The following RCAN2 variants were observed in gnomAD, a reference collection of about 807,000 sequenced individuals.
The protein encoded by RCAN2 is calcipressin-2.
A neutral mutation model predicts 23.6 loss-of-function variants in RCAN2; 9 were observed. The observed-to-expected ratio is 0.38, with a 90% CI of 0.23 to 0.67. The LOEUF is 0.67. Among genes scored for constraint, RCAN2 ranks in the 30% least tolerant of loss-of-function variants. The pLI, the probability that RCAN2 is intolerant of heterozygous loss-of-function variation, is 0.51. For synonymous variants in RCAN2, 109 were observed against 115.7 expected, an observed-to-expected ratio of 0.94 and a Z score of 0.37; for missense variants, 273 against 302.3, an observed-to-expected ratio of 0.90 and a Z score of 0.72.
At chr6:46,310,741 A>C (rs1043020691) in intron 2 of RCAN2, among the ~76,000 whole-genome samples, 1 of 152,196 alleles carries the variant, frequency 6.6e-6, no homozygotes, top group African/African-American at 2.4e-5. Flanking sequence ...GAATTTGTCT[A>C]AGAGTTATTT....
intron 2 of RCAN2, among the ~76,000 whole-genome samples, chr6:46,400,617 T>C (rs998819620): frequency 1.3e-5 from 2 of 152,212 alleles, no homozygotes; most frequent in African/African-American, 2.4e-5. Flanking sequence ...GATTTAACTT[T>C]AGCAAAGAGC....
intron 2 of RCAN2, among the ~76,000 whole-genome samples, chr6:46,270,447 A>G (rs1437375629): frequency 6.6e-6 from 1 of 152,118 alleles, no homozygotes; most frequent in Non-Finnish European, 1.5e-5. Context: ...TGCAGCTGGC[A>G]TCGTGGAGAA....
At chr6:46,460,714 TG>T (rs1768181491) in intron 1 of RCAN2, among the ~76,000 whole-genome samples, 1 of 152,250 alleles carries the variant, frequency 6.6e-6, no homozygotes, top group South Asian at 2.1e-4. Flanking sequence ...TCTTCATCCA[TG>T]TATCTACAGG....
At chr6:46,318,063 C>T (rs1286937246) in intron 2 of RCAN2, among the ~76,000 whole-genome samples, 1 of 152,104 alleles carries the variant, frequency 6.6e-6, no homozygotes, top group East Asian at 1.9e-4. Flanking sequence ...AATATTGATC[C>T]ATGGAGATGA....
intron 2 of RCAN2, 36 bp from the exon 3 acceptor site, chr6:46,248,932 C>T (rs1942440290): frequency 6.6e-7 from 1 of 1,507,272 alleles, no homozygotes; most frequent in Non-Finnish European, 9.1e-7. Flanking sequence ...ATCCATTGGC[C>T]ATGGCATGGA....
At position 46,329,592 on chromosome 6, in the gene RCAN2, T is replaced by C. The variant is rs186648619; in HGVS notation, c.226-80696A>G. On this transcript the variant is annotated intron_variant, in intron 2 of 4. Transcript: ENST00000371374. ...AGGCAAGTAGAGAGACTCAAACCAA[T>C]AGAGGTGCCTCCTAGATCCAGGAGT... 4.2e-4 allele frequency among the ~76,000 whole-genome samples: 64 copies of C among 152,076 alleles called. 1 individual carries two copies. The highest frequency in any genetic ancestry group is 6.8e-3 in the Middle Eastern group (2 of 294).
chr6:46,223,778 G>T (rs993681534), intron 4 of RCAN2, among the ~76,000 whole-genome samples: 12 of 152,156 alleles, frequency 7.9e-5, no homozygotes, highest in African/African-American at 2.2e-4. Context: ...ATGGAATAAG[G>T]TGGGGTTATC....
chr6:46,320,574 G>A (rs769552161), intron 2 of RCAN2, among the ~76,000 whole-genome samples: 1 of 152,222 alleles, frequency 6.6e-6, no homozygotes, highest in Non-Finnish European at 1.5e-5. Flanking sequence ...GCACAGAGCA[G>A]TAGGGGATTT....
At chr6:46,341,049 A>G (rs1404709387) in intron 2 of RCAN2, among the ~76,000 whole-genome samples, 1 of 152,230 alleles carries the variant, frequency 6.6e-6, no homozygotes, top group African/African-American at 2.4e-5. Context: ...ATGAGGTCAG[A>G]AAAAATTTTC....
chr6:46,447,869 G>T (rs1767760608), intron 2 of RCAN2, among the ~76,000 whole-genome samples: 1 of 151,046 alleles, frequency 6.6e-6, no homozygotes, highest in South Asian at 2.1e-4. Context: ...AAAACTTATA[G>T]CAATACATGC....
chr6:46,320,103 G>C (rs536170992), intron 2 of RCAN2, among the ~76,000 whole-genome samples: 1 of 152,310 alleles, frequency 6.6e-6, no homozygotes, highest in Admixed American at 6.5e-5. Context: ...ACACTTCTAA[G>C]TTACTGAGTG....
intron 2 of RCAN2, among the ~76,000 whole-genome samples, chr6:46,379,961 T>C (rs1400217010): frequency 2.6e-5 from 4 of 152,088 alleles, no homozygotes; most frequent in Non-Finnish European, 4.4e-5. Context: ...AGAAAAACCT[T>C]CCAAAAAGAT....
chr6:46,249,842 G>A (rs1431981667), intron 2 of RCAN2, among the ~76,000 whole-genome samples: 2 of 152,040 alleles, frequency 1.3e-5, no homozygotes, highest in African/African-American at 4.8e-5. Context: ...TCCCTGAGTG[G>A]CTGTATGAAG....
At chr6:46,407,823 C>T (rs540777414) in intron 2 of RCAN2, among the ~76,000 whole-genome samples, 2 of 152,140 alleles carry the variant, frequency 1.3e-5, no homozygotes, top group Non-Finnish European at 2.9e-5. Context: ...TGCAGCAGAC[C>T]TTTAGAAGCG....
At chr6:46,293,196 T>C (rs907791093) in intron 2 of RCAN2, among the ~76,000 whole-genome samples, 1 of 152,226 alleles carries the variant, frequency 6.6e-6, no homozygotes, top group Non-Finnish European at 1.5e-5. Context: ...CGTGTGCATG[T>C]GTCTTTATAG....
chr6:46,388,139 A>T (rs1765815212), intron 2 of RCAN2, among the ~76,000 whole-genome samples: 1 of 152,156 alleles, frequency 6.6e-6, no homozygotes, highest in African/African-American at 2.4e-5. Context: ...GCATTAGGAG[A>T]TATACCCAAT....
At chr6:46,243,820 A>AAC (rs1554126651) in intron 4 of RCAN2, among the ~76,000 whole-genome samples, 10 of 150,190 alleles carry the variant, frequency 6.7e-5, no homozygotes, top group Admixed American at 6.6e-5. Context: ...AAAAAAAAAA[A>AAC]AAAAAAAAAA....
At chr6:46,325,514 A>G (rs1763766763) in intron 2 of RCAN2, 1 of 1,612,830 alleles carries the variant, frequency 6.2e-7, no homozygotes. Flanking sequence ...GAGTTAGGCA[A>G]CCTCAGAGTT....
chr6:46,444,915 TC>T (rs1180439167), intron 2 of RCAN2, among the ~76,000 whole-genome samples: 1 of 152,062 alleles, frequency 6.6e-6, no homozygotes, highest in Middle Eastern at 3.2e-3. Context: ...GCCCCCAGGC[TC>T]CACACTTGTC....
Sources: allele counts gnomAD v4.1 joint callset (sites outside exome capture counted in the v4.1 genomes callset), GRCh38; gene constraint gnomAD v4.1.1; transcripts MANE v1.5; gene names NCBI Gene and HGNC (gene_info 2026-07-23, HGNC 2026-07-21).